The following SGCZ variants were observed in gnomAD, a reference collection of about 807,000 sequenced individuals.
SGCZ encodes zeta-sarcoglycan.
In SGCZ, 40 loss-of-function variants were observed where a neutral mutation model predicts 41.3. The ratio of observed to expected loss-of-function variants is 0.97; its 90% confidence interval spans 0.75 to 1.26. The LOEUF is 1.26. Ranked by LOEUF, SGCZ falls within the 50% of genes most tolerant of loss-of-function variation. The probability of loss-of-function intolerance (pLI) is 0.00; values close to 1 mark genes in which losing one functional copy is unlikely to be tolerated. For missense variants in SGCZ, 552 were observed against 369.8 expected, an observed-to-expected ratio of 1.49 and a Z score of -4.04; for synonymous variants, 206 against 137.5, an observed-to-expected ratio of 1.50 and a Z score of -3.49.
At chr8:14,988,246 A>G (rs996278659) in intron 1 of SGCZ, among the ~76,000 whole-genome samples, 3 of 142,760 alleles carry the variant, frequency 2.1e-5, no homozygotes, top group African/African-American at 7.6e-5. Flanking sequence ...ATAAAGGTAT[A>G]CAAATACTCC....
At chr8:15,014,705 C>T (rs1362651233) in intron 1 of SGCZ, among the ~76,000 whole-genome samples, 2 of 152,154 alleles carry the variant, frequency 1.3e-5, no homozygotes, top group Non-Finnish European at 2.9e-5. Context: ...CACTAATCAC[C>T]AAAGCTGAAG....
chr8:14,704,543 CT>C (rs1035997414), intron 1 of SGCZ, among the ~76,000 whole-genome samples: 1 of 151,892 alleles, frequency 6.6e-6, no homozygotes, highest in African/African-American at 2.4e-5. Flanking sequence ...GAATCATGTA[CT>C]TTGAAGTCAG....
intron 2 of SGCZ, among the ~76,000 whole-genome samples, chr8:14,500,263 G>A (rs536859679): frequency 1.3e-5 from 2 of 152,128 alleles, no homozygotes; most frequent in African/African-American, 4.8e-5. Flanking sequence ...AGCACGTGGA[G>A]TACCCTGCTT....
intron 2 of SGCZ, among the ~76,000 whole-genome samples, chr8:14,394,143 CTTTTTTTTTTTTTT>C (rs75054512): frequency 0.24 from 28,318 of 118,674 alleles, 3,743 homozygotes; most frequent in Non-Finnish European, 0.33. Context: ...CGCCCCCCAC[CTTTTTTTTTTTTTT>C]TTTTTTTTTT....
At chr8:14,264,134 G>C (rs555088721) in intron 3 of SGCZ, among the ~76,000 whole-genome samples, 1 of 152,186 alleles carries the variant, frequency 6.6e-6, no homozygotes. Context: ...GTGACAAGGA[G>C]GCCATAGCTG....
At chr8:14,680,817 T>A (rs1585177845) in intron 1 of SGCZ, among the ~76,000 whole-genome samples, 2 of 151,582 alleles carry the variant, frequency 1.3e-5, no homozygotes, top group Non-Finnish European at 2.9e-5. Flanking sequence ...CAAATTAAAC[T>A]CCCAAAGATG....
At chr8:14,776,420 C>G (rs775149437) in intron 1 of SGCZ, among the ~76,000 whole-genome samples, 11 of 152,066 alleles carry the variant, frequency 7.2e-5, no homozygotes, top group Non-Finnish European at 1.3e-4. Context: ...TTCACCGTGA[C>G]TGAGTCCATT....
chr8:14,578,638 A>T (rs1205464368), intron 1 of SGCZ, among the ~76,000 whole-genome samples: 11 of 152,214 alleles, frequency 7.2e-5, no homozygotes, highest in Admixed American at 7.2e-4. Flanking sequence ...ATTCTAGGGC[A>T]CATTCTGAGG....
At chr8:14,288,407 T>C (rs1015517197) in intron 3 of SGCZ, among the ~76,000 whole-genome samples, 1 of 152,114 alleles carries the variant, frequency 6.6e-6, no homozygotes, top group Non-Finnish European at 1.5e-5. Context: ...CAAAAGGATA[T>C]CTTGTATCTT....
At chr8:14,683,170 T>A (rs1274954468) in intron 1 of SGCZ, among the ~76,000 whole-genome samples, 1 of 152,160 alleles carries the variant, frequency 6.6e-6, no homozygotes, top group Non-Finnish European at 1.5e-5. Flanking sequence ...GGTACTCAGG[T>A]GTAAAATATG....
intron 3 of SGCZ, among the ~76,000 whole-genome samples, chr8:14,288,789 T>A (rs1188794298): frequency 6.6e-6 from 1 of 152,192 alleles, no homozygotes; most frequent in Non-Finnish European, 1.5e-5. Flanking sequence ...ATTCTTTGGC[T>A]GTAAAGTTAG....
intron 1 of SGCZ, among the ~76,000 whole-genome samples, chr8:15,127,397 T>A (rs903904496): frequency 6.6e-6 from 1 of 152,212 alleles, no homozygotes. Flanking sequence ...GTGTCCTGTA[T>A]AAATATTTCA....
intron 5 of SGCZ, among the ~76,000 whole-genome samples, chr8:14,163,722 T>A (rs1804119819): frequency 6.6e-6 from 1 of 152,144 alleles, no homozygotes; most frequent in African/African-American, 2.4e-5. Context: ...AGAACAGAGT[T>A]GATGTTCTTC....
chr8:14,190,613 G>GT (rs972097050), intron 4 of SGCZ, among the ~76,000 whole-genome samples: 3 of 151,264 alleles, frequency 2.0e-5, no homozygotes, highest in African/African-American at 7.3e-5. Flanking sequence ...TTCTTTTTTT[G>GT]TTTTTTTGAG....
rs1214193734 is a variant in SGCZ, at chr8:14,089,430, G to C, written c.*1013C>G. Among the ~76,000 whole-genome samples the C allele has an allele frequency of 6.6e-6, 1 of 151,966 alleles. No individual in the cohort carries two copies. The highest frequency in any genetic ancestry group is 2.4e-5 in the African/African-American group (1 of 41,418). On this transcript the variant is annotated 3_prime_UTR_variant, in exon 8 of 8. Transcript: ENST00000382080. Reference sequence around the variant, plus strand: ...TCTGAAGATGATACCCCAATGGAAAGAGAATTTATTCTCAGCATTATGCAT... The same window carrying C: ...TCTGAAGATGATACCCCAATGGAAACAGAATTTATTCTCAGCATTATGCAT...
In SGCZ at chr8:14,675,335, C is replaced by T. The variant is rs145054311; in HGVS notation, c.40-120409G>A. Among the ~76,000 whole-genome samples, 332 of 151,586 alleles carry T rather than the reference C, an allele frequency of 2.2e-3. 1 individual carries two copies. The highest frequency in any genetic ancestry group is 6.9e-3 in the Middle Eastern group (2 of 288). On this transcript the variant is annotated intron_variant, in intron 1 of 7. Coordinates refer to ENST00000382080, the MANE Select transcript of SGCZ (RefSeq NM_139167.4). ...GTAGTCCATAAATAATGCATAATAC[C>T]GAAACAAACATTTCTCTCTTTAGAA... is the stretch of plus-strand genomic sequence containing the variant.
At chr8:15,075,552 G>C (rs1013802077) in intron 1 of SGCZ, among the ~76,000 whole-genome samples, 6 of 152,074 alleles carry the variant, frequency 3.9e-5, no homozygotes, top group African/African-American at 1.4e-4. Context: ...TGAAGCCTAA[G>C]GACTTTGAGT....
intron 1 of SGCZ, among the ~76,000 whole-genome samples, chr8:14,780,134 G>A (rs914733238): frequency 6.6e-6 from 1 of 152,026 alleles, no homozygotes; most frequent in African/African-American, 2.4e-5. Context: ...AGCACTTTGG[G>A]AGGCAGAGGC....
At chr8:15,141,063 T>C (rs983359206) in intron 1 of SGCZ, among the ~76,000 whole-genome samples, 1 of 152,258 alleles carries the variant, frequency 6.6e-6, no homozygotes, top group East Asian at 1.9e-4. Context: ...TTTTCCCATG[T>C]TCCTTTTGCC....
Sources: gnomAD v4.1 joint callset for allele counts (sites outside exome capture counted in the v4.1 genomes callset) on GRCh38, gnomAD v4.1.1 for gene constraint, MANE v1.5 for transcripts, NCBI Gene and HGNC (gene_info 2026-07-23, HGNC 2026-07-21) for gene names.